The following MAEL variants were observed in gnomAD, a reference collection of about 807,000 sequenced individuals.
MAEL encodes the protein protein maelstrom homolog.
MAEL carries 46 observed loss-of-function variants against 62.0 expected under a neutral mutation model. The ratio of observed to expected loss-of-function variants is 0.74; its 90% CI spans 0.59 to 0.95. The LOEUF is 0.95. Ranked by LOEUF, MAEL falls within the 40% of genes least tolerant of loss-of-function variation. MAEL has a pLI of 0.00. For missense variants in MAEL, 497 were observed against 526.8 expected (o/e 0.94, Z 0.55); for synonymous variants, 172 against 175.5 (o/e 0.98, Z 0.16).
intron 8 of MAEL, among the ~76,000 whole-genome samples, chr1:167,011,916 A>G (rs1483757720): frequency 6.6e-6 from 1 of 152,212 alleles, no homozygotes; most frequent in Non-Finnish European, 1.5e-5. Flanking sequence ...ATACTCTACA[A>G]CAAGACTAGA....
chr1:167,011,059 A>C (rs1371370081), intron 8 of MAEL, among the ~76,000 whole-genome samples: 6 of 151,306 alleles, frequency 4.0e-5, no homozygotes, highest in Non-Finnish European at 8.8e-5. Context: ...TTCACTTAGC[A>C]TGGCACTTGC....
rs967293580 is a variant in MAEL, at chr1:166,994,078, A to G, written c.523+9A>G. The G allele has an allele frequency of 6.2e-6, 10 of 1,612,054 alleles. No homozygotes were observed. The highest frequency in any genetic ancestry group is 1.7e-5 in the Admixed American group (1 of 59,934). On this transcript the variant is annotated intron_variant, in intron 5 of 11. Coordinates refer to ENST00000367872, the MANE Select transcript of MAEL (RefSeq NM_032858.3). ...TCATTGTCAGGCTGCAAGTAAGTAT[A>G]AAGGAATGGGGTAGGATTTGTGACT... is the stretch of plus-strand genomic sequence containing the variant.
At chr1:167,001,947 A>G (rs544634350) in intron 5 of MAEL, among the ~76,000 whole-genome samples, 1 of 152,162 alleles carries the variant, frequency 6.6e-6, no homozygotes, top group Non-Finnish European at 1.5e-5. Flanking sequence ...CGCCCAGCTA[A>G]TTTTTGTATT....
chr1:167,021,591 TC>T (rs2102137472), intron 11 of MAEL, 76 bp from the exon 12 acceptor site: 1 of 983,474 alleles, frequency 1.0e-6, no homozygotes, highest in Non-Finnish European at 1.5e-6. Context: ...GTAGGATGAG[TC>T]AGTTAATTGA....
chr1:166,993,406 A>G (rs375885151), intron 4 of MAEL, among the ~76,000 whole-genome samples: 1 of 152,332 alleles, frequency 6.6e-6, no homozygotes, highest in South Asian at 2.1e-4. Context: ...CAAGGTAGGT[A>G]TGAAGACATA....
chr1:166,988,909 T>A (rs1350993468), upstream of MAEL, among the ~76,000 whole-genome samples: 1 of 152,234 alleles, frequency 6.6e-6, no homozygotes, highest in Non-Finnish European at 1.5e-5. Context: ...GACCTTGTCA[T>A]GTTCCTCATA....
intron 1 of MAEL, among the ~76,000 whole-genome samples, chr1:166,982,908 C>T (rs967926582): frequency 5.9e-5 from 9 of 152,204 alleles, no homozygotes; most frequent in African/African-American, 4.8e-5. Flanking sequence ...GCCTGGAATG[C>T]TCTTCTCCAG....
Position 166,992,847 on chromosome 1 carries a change from T to C in MAEL, c.481+6T>C, listed in dbSNP as rs1664252473. 1.3e-6 allele frequency: 2 copies of C among 1,579,250 alleles called. No individual in the cohort carries two copies. Among genetic ancestry groups the C allele is most frequent in the Non-Finnish European group, 1.7e-6 (2 of 1,169,196 alleles). ...CCACAGTTTTATAAATCCTGGTAAG[T>C]AGTCAGAGTAGATGCTAGATCTTAA... On this transcript the variant is annotated splice_donor_region_variant and intron_variant, in intron 4 of 11. Coordinates refer to ENST00000367872, the MANE Select transcript of MAEL (RefSeq NM_032858.3).
chr1:167,005,468 T>A, intron 8 of MAEL, 71 bp downstream of exon 8: 2 of 1,405,188 alleles, frequency 1.4e-6, no homozygotes, highest in Non-Finnish European at 1.9e-6. Context: ...GGTAGGACTA[T>A]TTTTGCCTTT....
upstream of MAEL, among the ~76,000 whole-genome samples, chr1:166,986,768 G>A (rs1663926703): frequency 6.6e-6 from 1 of 152,064 alleles, no homozygotes; most frequent in Non-Finnish European, 1.5e-5. Flanking sequence ...GCCTGAAGTA[G>A]AAAGAAGGAA....
rs1332993632 is a variant in MAEL, at chr1:166,992,670, T to C, written c.326-16T>C. 1 of 1,562,616 alleles carries C rather than the reference T, an allele frequency of 6.4e-7. No homozygotes were observed. The highest frequency in any genetic ancestry group is 8.6e-7 in the Non-Finnish European group (1 of 1,161,372). On this transcript the variant is annotated splice_polypyrimidine_tract_variant and intron_variant, in intron 3 of 11. Transcript: ENST00000367872. ...AGACATTCATTTATTCATTTTATCT[T>C]ACAATTTTTTTTTAGCTCTCCTTGG...
At chr1:166,975,869 C>G (rs190930105) in intron 1 of MAEL, among the ~76,000 whole-genome samples, 2 of 152,214 alleles carry the variant, frequency 1.3e-5, no homozygotes, top group African/African-American at 4.8e-5. Context: ...TGCGGGCAGC[C>G]ACAGCCAACC....
intron 10 of MAEL, among the ~76,000 whole-genome samples, chr1:167,020,834 A>G (rs1433854533): frequency 6.6e-6 from 1 of 151,894 alleles, no homozygotes; most frequent in Non-Finnish European, 1.5e-5. Flanking sequence ...GTTCTAATTC[A>G]TTATCAGCAA....
intron 9 of MAEL, 150 bp downstream of exon 9, chr1:167,016,434 G>A: frequency 1.5e-6 from 1 of 680,512 alleles, no homozygotes; most frequent in Non-Finnish European, 2.6e-6. Flanking sequence ...ACTACAGTGA[G>A]ATATTATCTC....
intron 6 of MAEL, 152 bp downstream of exon 6, chr1:167,004,456 G>A: frequency 3.0e-6 from 2 of 667,254 alleles, no homozygotes; most frequent in Non-Finnish European, 2.3e-6. Flanking sequence ...ATTAGGTATA[G>A]TGCCTATTTT....
intron 2 of MAEL, chr1:166,990,064 T>G (rs983827639): frequency 5.1e-5 from 24 of 470,828 alleles, no homozygotes; most frequent in Non-Finnish European, 8.0e-5. Flanking sequence ...CCTGGGGAAT[T>G]CCTGTTAGGA....
chr1:167,004,286 G>T lies in MAEL; in HGVS notation c.630G>T (p.Trp210Cys). The T allele has an allele frequency of 6.2e-7, 1 of 1,603,862 alleles. No homozygotes were observed. Among genetic ancestry groups the T allele is most frequent in the Non-Finnish European group, 8.5e-7 (1 of 1,175,516 alleles). ...TTATTCATCCCAACCCAGGGAACTG[G>T]CCACCTATCTACTGCAAGGTAATTT... ...YRFIHPNPGNWPPIYCKSDDR... is the reference protein window; with the variant it reads ...YRFIHPNPGNCPPIYCKSDDR... The change falls in exon 6 of 12, where the codon TGG becomes TGT. Residue 210 changes from tryptophan (W) to cysteine (C), a missense_variant. By Grantham distance (215) the Trp-to-Cys change is radical. Coordinates refer to ENST00000367872, the MANE Select transcript of MAEL (RefSeq NM_032858.3).
At chr1:167,006,015 C>G (rs929831787) in intron 8 of MAEL, 4 of 152,194 alleles carry the variant, frequency 2.6e-5, no homozygotes, top group African/African-American at 7.2e-5. Context: ...ACAAGCTAAG[C>G]AGGGATTGGC....
At position 167,005,392 on chromosome 1, in the gene MAEL, C is replaced by T; in HGVS notation, c.840C>T (p.Asn280=). The T allele has an allele frequency of 6.2e-7, 1 of 1,600,050 alleles. No individual in the cohort carries two copies. The highest frequency in any genetic ancestry group is 1.1e-5 in the South Asian group (1 of 87,878). Residue 280 remains asparagine, a synonymous_variant, in exon 8 of 12, where the codon AAC becomes AAT. Transcript: ENST00000367872. ...TGGCCATGTGGGATTATTCTAGCAA[C>T]ACAAGGTATTGCTAGCATTTTTGTT... ...LDVAMWDYSS[N]TRCKWHEEND...
Sources: gnomAD v4.1 joint callset for allele counts (sites outside exome capture counted in the v4.1 genomes callset) on GRCh38, gnomAD v4.1.1 for gene constraint, MANE v1.5 for transcripts, NCBI Gene and HGNC (gene_info 2026-07-23, HGNC 2026-07-21) for gene names.